Variants in SPECC1L observed in about 807,000 individuals in gnomAD.
SPECC1L encodes sperm antigen with calponin homology and coiled-coil domains 1 like.
In SPECC1L, 40 loss-of-function variants were observed where a neutral mutation model predicts 116.8. That is an observed-to-expected ratio of 0.34 (90% CI 0.27 to 0.45). The LOEUF (loss-of-function observed/expected upper bound fraction) is 0.45, where lower values mean the gene tolerates loss of function less well. SPECC1L is among the 20% of genes least tolerant of loss of function. SPECC1L has a pLI of 1.00. For missense variants in SPECC1L, 1,110 were observed against 1,373.6 expected (o/e 0.81, Z 3.03); for synonymous variants, 504 against 500.6 (o/e 1.01, Z -0.09).
chr22:24,304,222 C>T (rs2049443848), intron 3 of SPECC1L, among the ~76,000 whole-genome samples: 1 of 152,100 alleles, frequency 6.6e-6, no homozygotes, highest in Admixed American at 6.6e-5. Flanking sequence ...AGCATGTGCA[C>T]ACACCCATTC....
At chr22:24,390,582 T>C (rs1246574644) in intron 14 of SPECC1L, among the ~76,000 whole-genome samples, 3 of 152,328 alleles carry the variant, frequency 2.0e-5, no homozygotes, top group African/African-American at 7.2e-5. Context: ...TTTGTAAATA[T>C]CAGTGTGTTC....
At chr22:24,277,620 C>G (rs1325640370) in intron 2 of SPECC1L, among the ~76,000 whole-genome samples, 5 of 151,840 alleles carry the variant, frequency 3.3e-5, no homozygotes, top group African/African-American at 1.2e-4. Context: ...ATGTAAATGG[C>G]ATCATACAAC....
rs1601536434 is a variant in SPECC1L at position 24,313,228 on chromosome 22, A to C, written c.154-85A>C. ...TGGTAATAGGGCTCTTGAACTTAGT[A>C]TAAAAGTCATGAGCTTTGTTGAGTC... is the stretch of plus-strand genomic sequence containing the variant. On this transcript the variant is annotated intron_variant, in intron 3 of 16. Coordinates refer to ENST00000314328, the MANE Select transcript of SPECC1L (RefSeq NM_015330.6). The C allele has an allele frequency of 4.1e-6, 6 of 1,457,026 alleles. No individual in the cohort carries two copies. In the East Asian group the frequency reaches 1.4e-4, roughly 34 times the overall value. 90.3% of individuals were successfully genotyped at this position (1,457,026 alleles called of 1,614,324 possible).
At position 24,317,447 on chromosome 22, in the gene SPECC1L, C is replaced by A. The variant is rs1433337675; in HGVS notation, c.308-3841C>A. 4.6e-5 allele frequency among the ~76,000 whole-genome samples: 6 copies of A among 129,514 alleles called. 1 individual carries two copies. In the Middle Eastern group the frequency reaches 0.013, roughly 287 times the overall value. The allele number at this position is 129,514 out of a possible 152,430, so 85.0% of individuals were successfully genotyped here. A position where few individuals can be genotyped will look rare whatever the true frequency, so the allele number is the denominator to read the frequency against. On this transcript the variant is annotated intron_variant, in intron 4 of 16. Coordinates refer to ENST00000314328, the MANE Select transcript of SPECC1L (RefSeq NM_015330.6). ...GCTGGCCGGGCGGGGGGCTGACCCC[C>A]CAACCTCCCGGACGGGGCGGCTGGC...
chr22:24,356,025 A>G lies in SPECC1L; in HGVS notation c.2744-7236A>G, dbSNP rs55741019. Among the ~76,000 whole-genome samples, 1,122 of 152,108 alleles carry G rather than the reference A, an allele frequency of 7.4e-3. 5 individuals carry two copies. Among genetic ancestry groups the G allele is most frequent in the South Asian group, 0.013 (61 of 4,814 alleles). ...ACACCCCATTCCCTAGCAACCACTG[A>G]TATGTTTTTCATCCCTACAGTTGTA... On this transcript the variant is annotated intron_variant, in intron 11 of 16. Transcript: ENST00000314328.
chr22:24,412,525 G>T, intron 15 of SPECC1L, 123 bp from the exon 16 acceptor site: 1 of 886,400 alleles, frequency 1.1e-6, no homozygotes, highest in Non-Finnish European at 1.9e-6. Context: ...GCATAGGTTT[G>T]TTGTGGCACC....
intron 14 of SPECC1L, among the ~76,000 whole-genome samples, chr22:24,386,946 G>A (rs563205063): frequency 1.3e-5 from 2 of 152,212 alleles, no homozygotes; most frequent in South Asian, 2.1e-4. Flanking sequence ...ATAAATTATA[G>A]CCAGGCTTTG....
Position 24,322,198 on chromosome 22 carries a change from C to A in SPECC1L, c.1218C>A (p.Asn406Lys), listed in dbSNP as rs1307962377. Residue 406 changes from asparagine to lysine, a missense_variant, in exon 5 of 17, where the codon AAC (asparagine) becomes AAA (lysine). Around this residue, in one of 4 missense-constraint regions of SPECC1L, gnomAD observed 22 missense variants for 60.1 expected, o/e 0.37. Transcript: ENST00000314328. ...AACGGATACACCAGATGGAAGAGAA[C>A]CAACACAGTACAAGTGAGGAACTCC... ...LTERIHQMEE[N>K]QHSTSEELQA... is the part of the protein sequence containing the mutation. 1 of 1,614,076 alleles carries A rather than the reference C, an allele frequency of 6.2e-7. No individual in the cohort carries two copies. The highest frequency in any genetic ancestry group is 1.7e-5 in the Admixed American group (1 of 60,024).
intron 14 of SPECC1L, among the ~76,000 whole-genome samples, chr22:24,405,090 T>C (rs1343818485): frequency 1.3e-5 from 2 of 152,232 alleles, no homozygotes; most frequent in African/African-American, 4.8e-5. Flanking sequence ...CACACACTGG[T>C]GGCCCCGGCC....
At chr22:24,318,720 GAC>G (rs2040656209) in intron 4 of SPECC1L, among the ~76,000 whole-genome samples, 1 of 152,080 alleles carries the variant, frequency 6.6e-6, no homozygotes, top group Non-Finnish European at 1.5e-5. Context: ...AGGAGTTCAA[GAC>G]CAGCTTGGGC....
intron 14 of SPECC1L, among the ~76,000 whole-genome samples, chr22:24,410,517 C>T (rs1042319661): frequency 6.6e-6 from 1 of 152,250 alleles, no homozygotes; most frequent in Non-Finnish European, 1.5e-5. Context: ...CCCACCTCCC[C>T]ACACCAGACA....
At chr22:24,294,529 G>A (rs1186110388) in intron 2 of SPECC1L, among the ~76,000 whole-genome samples, 4 of 151,338 alleles carry the variant, frequency 2.6e-5, no homozygotes, top group Non-Finnish European at 5.9e-5. Context: ...TTACAGGCAC[G>A]CACCACCACA....
rs922546523 is a variant in SPECC1L, at chr22:24,407,499, G to A, written c.3088-4089G>A. Among the ~76,000 whole-genome samples the A allele has an allele frequency of 2.6e-5, 4 of 152,164 alleles. No individual in the cohort carries two copies. In the East Asian group the frequency reaches 7.7e-4, roughly 29 times the overall value. ...CAGTGGTGAGGCCAGGCACGTCCAC[G>A]ACCCTGCCAGAGCTGCCTGCGTTTC... On this transcript the variant is annotated intron_variant, in intron 14 of 16. Coordinates refer to ENST00000314328, the MANE Select transcript of SPECC1L (RefSeq NM_015330.6).
At chr22:24,278,000 A>G (rs950373587) in intron 2 of SPECC1L, among the ~76,000 whole-genome samples, 8 of 152,202 alleles carry the variant, frequency 5.3e-5, no homozygotes, top group African/African-American at 1.7e-4. Flanking sequence ...AATTCTGTGT[A>G]TGAGGATTCC....
chr22:24,352,453 T>A (rs2041444891), intron 11 of SPECC1L, among the ~76,000 whole-genome samples: 1 of 152,162 alleles, frequency 6.6e-6, no homozygotes, highest in Non-Finnish European at 1.5e-5. Context: ...TTGTGTTCTG[T>A]AAGGAAATTT....
At chr22:24,391,979 G>T (rs2042283066) in intron 14 of SPECC1L, among the ~76,000 whole-genome samples, 1 of 152,168 alleles carries the variant, frequency 6.6e-6, no homozygotes, top group Non-Finnish European at 1.5e-5. Flanking sequence ...ATGTGAATCA[G>T]CACCCACATT....
intron 12 of SPECC1L, among the ~76,000 whole-genome samples, chr22:24,364,745 A>G (rs2041719066): frequency 6.6e-6 from 1 of 151,848 alleles, no homozygotes; most frequent in African/African-American, 2.4e-5. Context: ...TGTCCCTTTA[A>G]CAGTGTTTTT....
intron 1 of SPECC1L, among the ~76,000 whole-genome samples, chr22:24,275,058 C>T (rs2048808411): frequency 6.6e-6 from 1 of 152,216 alleles, no homozygotes; most frequent in Non-Finnish European, 1.5e-5. Flanking sequence ...AAAAGAAAAA[C>T]AACTCAGCTC....
At chr22:24,277,553 C>G (rs1413327492) in intron 2 of SPECC1L, among the ~76,000 whole-genome samples, 1 of 152,228 alleles carries the variant, frequency 6.6e-6, no homozygotes, top group Non-Finnish European at 1.5e-5. Context: ...CTCCCTCTGG[C>G]TCTGGGCAGT....
Sources: gnomAD v4.1 joint callset for allele counts (sites outside exome capture counted in the v4.1 genomes callset) on GRCh38, gnomAD v4.1.1 for gene constraint, gnomAD v4.1.1 regional missense constraint, MANE v1.5 for transcripts, NCBI Gene and HGNC (gene_info 2026-07-23, HGNC 2026-07-21) for gene names.